The following HYDIN variants were observed in gnomAD, a reference collection of about 807,000 sequenced individuals.
HYDIN encodes the protein axonemal central pair apparatus protein HYDIN.
HYDIN carries 132 observed loss-of-function variants against 403.9 expected under a neutral mutation model. That is an observed-to-expected ratio of 0.33 (90% CI 0.28 to 0.38). The LOEUF is 0.38. HYDIN is among the 10% of genes least tolerant of loss of function. HYDIN has a pLI of 1.00. For synonymous variants in HYDIN, 1,202 were observed against 1,891.7 expected (o/e 0.64, Z 9.46); for missense variants, 2,827 against 5,009.5 (o/e 0.56, Z 13.15).
At chr16:70,950,367 CAGCCTCTTG>C (rs1278887312) in intron 41 of HYDIN, among the ~76,000 whole-genome samples, 1 of 152,078 alleles carries the variant, frequency 6.6e-6, no homozygotes, top group African/African-American at 2.4e-5. Flanking sequence ...TCTCGTGCTT[CAGCCTCTTG>C]AGAAGCTGGG....
chr16:71,199,590 G>A (rs757754005), intron 1 of HYDIN, among the ~76,000 whole-genome samples: 48 of 152,100 alleles, frequency 3.2e-4, no homozygotes, highest in Non-Finnish European at 6.3e-4. Flanking sequence ...CATCTTGTAA[G>A]CCTTCTAAAG....
intron 8 of HYDIN, among the ~76,000 whole-genome samples, chr16:71,133,502 T>C (rs1365630210): frequency 6.6e-6 from 1 of 152,234 alleles, no homozygotes; most frequent in African/African-American, 2.4e-5. Flanking sequence ...AAAACTGATT[T>C]ATCTAAGGAA....
chr16:71,219,188 C>T lies in HYDIN; in HGVS notation c.-24+11374G>A, dbSNP rs547809349. Among the ~76,000 whole-genome samples the T allele has an allele frequency of 3.9e-5, 6 of 152,104 alleles. No individual in the cohort carries two copies. In the South Asian group the frequency reaches 1.2e-3, roughly 32 times the overall value. ...TAGGCAAAGTTGTTTAACTTAGGCTCATAATAGCAGTTTAAAGAAATAAAA... is the reference window on the plus strand; with the variant it reads ...TAGGCAAAGTTGTTTAACTTAGGCTTATAATAGCAGTTTAAAGAAATAAAA... On this transcript the variant is annotated intron_variant, in intron 1 of 85. Transcript: ENST00000393567.
At chr16:70,842,068 A>C (rs2037864944) in intron 75 of HYDIN, among the ~76,000 whole-genome samples, 2 of 150,946 alleles carry the variant, frequency 1.3e-5, no homozygotes, top group Admixed American at 1.3e-4. Context: ...GCACGATTTC[A>C]ATCCTTTTAA....
chr16:71,004,004 G>T (rs2079809213), intron 23 of HYDIN, among the ~76,000 whole-genome samples: 1 of 150,610 alleles, frequency 6.6e-6, no homozygotes, highest in Admixed American at 6.6e-5. Flanking sequence ...AGGATCTTTA[G>T]TAAATTGTTG....
At chr16:71,030,715 G>C (rs12102892) in intron 19 of HYDIN, among the ~76,000 whole-genome samples, 4,388 of 117,218 alleles carry the variant, frequency 0.037, no homozygotes, top group African/African-American at 0.08. Context: ...ATAGGCGTGG[G>C]CTACTGTGCC....
chr16:70,810,227 A>G (rs2035388106), intron 84 of HYDIN, among the ~76,000 whole-genome samples: 1 of 152,094 alleles, frequency 6.6e-6, no homozygotes, highest in African/African-American at 2.4e-5. Context: ...TGGGATCTCT[A>G]TGAATCTAAG....
At chr16:71,086,264 A>C (rs1271200720) in intron 12 of HYDIN, among the ~76,000 whole-genome samples, 1 of 152,258 alleles carries the variant, frequency 6.6e-6, no homozygotes, top group African/African-American at 2.4e-5. Context: ...GGAATGTCTA[A>C]GAAACCCAAA....
intron 5 of HYDIN, among the ~76,000 whole-genome samples, chr16:71,163,402 C>T (rs1441354274): frequency 1.3e-5 from 2 of 152,176 alleles, no homozygotes; most frequent in Non-Finnish European, 2.9e-5. Flanking sequence ...GGATTACAGG[C>T]GTGAGCCACC....
At chr16:70,839,896 T>C (rs1206942484) in intron 76 of HYDIN, among the ~76,000 whole-genome samples, 168 bp downstream of exon 76, 1 of 148,570 alleles carries the variant, frequency 6.7e-6, no homozygotes, top group Admixed American at 6.7e-5. Context: ...ATCCAAGTAT[T>C]AGTGTTAGTT....
intron 1 of HYDIN, among the ~76,000 whole-genome samples, chr16:71,205,402 G>A (rs1032729822): frequency 6.6e-6 from 1 of 152,212 alleles, no homozygotes; most frequent in Non-Finnish European, 1.5e-5. Context: ...AGACGCCTGT[G>A]CAAGACTGGG....
At chr16:70,930,886 A>C (rs1490879794) in intron 45 of HYDIN, among the ~76,000 whole-genome samples, 2 of 152,192 alleles carry the variant, frequency 1.3e-5, no homozygotes, top group Admixed American at 6.5e-5. Context: ...ATACAAAATT[A>C]CTTGTCATAT....
rs2035010263 is a variant in HYDIN, at chr16:70,804,182, C to A, written c.*3398G>T. ...AAACCAGCCTGGAAGAGGGTTCACA[C>A]TGGGGCAGGATCTGAGCTTGGCTCT... On this transcript the variant is annotated 3_prime_UTR_variant, in exon 86 of 86. Transcript: ENST00000393567. Among the ~76,000 whole-genome samples the A allele has an allele frequency of 6.6e-6, 1 of 152,344 alleles. No homozygotes were observed. Among genetic ancestry groups the A allele is most frequent in the African/African-American group, 2.4e-5 (1 of 41,580 alleles).
Position 70,810,017 on chromosome 16 carries a change from A to G in HYDIN, c.14659-10T>C, listed in dbSNP as rs2035365631. ...CAAATGAGAACGTGCCCTGGAAGAG[A>G]AAACAGAGGATCCTGTCATGCTGAA... On this transcript the variant is annotated splice_polypyrimidine_tract_variant and intron_variant, in intron 84 of 85. Coordinates refer to ENST00000393567, the MANE Select transcript of HYDIN (RefSeq NM_001270974.2). 6 of 1,613,060 alleles carry G rather than the reference A, an allele frequency of 3.7e-6. No homozygotes were observed. The highest frequency in any genetic ancestry group is 5.1e-6 in the Non-Finnish European group (6 of 1,179,180).
At chr16:70,994,422 A>T (rs1411402537) in intron 23 of HYDIN, among the ~76,000 whole-genome samples, 1 of 152,168 alleles carries the variant, frequency 6.6e-6, no homozygotes, top group Non-Finnish European at 1.5e-5. Flanking sequence ...GAAAGCATGG[A>T]GAATTCACAG....
chr16:71,113,748 C>G (rs1429780398), intron 10 of HYDIN: 1 of 152,032 alleles, frequency 6.6e-6, no homozygotes, highest in Non-Finnish European at 1.5e-5. Context: ...CATGTACCAC[C>G]ACACTTGATT....
chr16:70,930,356 C>G (rs2077281278), intron 45 of HYDIN, among the ~76,000 whole-genome samples: 1 of 152,212 alleles, frequency 6.6e-6, no homozygotes, highest in African/African-American at 2.4e-5. Flanking sequence ...TGGCACACGT[C>G]TGCAGTCCCA....
chr16:70,835,026 GT>G lies in HYDIN; in HGVS notation c.13401+649del, dbSNP rs1244589779. ...TATATATACACACACATATATATAT[GT>G]TTTTTTTTTTTTTGAGATGGAGTGC... On this transcript the variant is annotated intron_variant, in intron 78 of 85. Coordinates refer to ENST00000393567, the MANE Select transcript of HYDIN (RefSeq NM_001270974.2). Among the ~76,000 whole-genome samples, 316 of 106,876 alleles carry G rather than the reference GT, an allele frequency of 3.0e-3. 2 individuals carry two copies. Among genetic ancestry groups the G allele is most frequent in the African/African-American group, 7.8e-3 (228 of 29,292 alleles). 70.1% of individuals were successfully genotyped at this position (106,876 alleles called of 152,430 possible).
intron 58 of HYDIN, among the ~76,000 whole-genome samples, chr16:70,887,174 G>T (rs1361790857): frequency 6.6e-6 from 1 of 152,142 alleles, no homozygotes; most frequent in Non-Finnish European, 1.5e-5. Flanking sequence ...CAGAATAATG[G>T]CCTCCGAAAG....
Sources: gnomAD v4.1 joint callset for allele counts (sites outside exome capture counted in the v4.1 genomes callset) on GRCh38, gnomAD v4.1.1 for gene constraint, MANE v1.5 for transcripts, NCBI Gene and HGNC (gene_info 2026-07-23, HGNC 2026-07-21) for gene names.